Variants in IL7R observed in about 807,000 individuals in gnomAD.
IL7R encodes interleukin 7 receptor.
Under a neutral mutation model 47.0 loss-of-function variants are expected in IL7R, and 38 were observed. The observed-to-expected ratio is 0.81, with a 90% CI of 0.62 to 1.06. The LOEUF is 1.06. Ranked by LOEUF, IL7R falls within the 50% of genes least tolerant of loss-of-function variation. The probability of loss-of-function intolerance (pLI) is 0.00; values close to 1 mark genes in which losing one functional copy is unlikely to be tolerated. For missense variants in IL7R, 633 were observed against 534.8 expected (o/e 1.18, Z -1.81); for synonymous variants, 221 against 199.8 (o/e 1.11, Z -0.89).
Position 35,877,260 on chromosome 5 carries a change from T to A in IL7R, c.*774T>A, listed in dbSNP as rs1760242662. ...AAAACTAGGACTGTCCCCAGACAAA[T>A]GTGAACATACATATCATCACTTAAA... On this transcript the variant is annotated 3_prime_UTR_variant, in exon 8 of 8. Coordinates refer to ENST00000303115, the MANE Select transcript of IL7R (RefSeq NM_002185.5). The A allele has an allele frequency of 8.6e-6, 2 of 233,096 alleles. No homozygotes were observed. Among genetic ancestry groups the A allele is most frequent in the Non-Finnish European group, 1.7e-5 (2 of 118,000 alleles). 14.4% of individuals were successfully genotyped at this position (233,096 alleles called of 1,614,324 possible).
In IL7R at chr5:35,877,293, G is replaced by A. The variant is rs886060536; in HGVS notation, c.*807G>A. The A allele has an allele frequency of 7.9e-4, 185 of 233,052 alleles. No homozygotes were observed. The highest frequency in any genetic ancestry group is 2.1e-4 in the Non-Finnish European group (25 of 118,004). 14.4% of individuals were successfully genotyped at this position (233,052 alleles called of 1,614,324 possible). On this transcript the variant is annotated 3_prime_UTR_variant, in exon 8 of 8. Coordinates refer to ENST00000303115, the MANE Select transcript of IL7R (RefSeq NM_002185.5). ...TACATATCATCACTTAAATTAAAAT[G>A]GCTATGAGAAAGAAAGAGGGGGAGA...
At chr5:35,869,674 G>A (rs1214470340) in intron 3 of IL7R, among the ~76,000 whole-genome samples, 3 of 152,034 alleles carry the variant, frequency 2.0e-5, no homozygotes, top group Admixed American at 1.3e-4. Context: ...TAAAAGATGG[G>A]CACAGGGCAG....
chr5:35,860,549 T>G (rs1409056190), intron 1 of IL7R, among the ~76,000 whole-genome samples: 1 of 152,176 alleles, frequency 6.6e-6, no homozygotes, highest in Non-Finnish European at 1.5e-5. Flanking sequence ...AAGAATGTGT[T>G]CAATGCCTCT....
chr5:35,870,980 A>G, intron 3 of IL7R, 76 bp from the exon 4 acceptor site: 1 of 1,294,516 alleles, frequency 7.7e-7, no homozygotes, highest in South Asian at 1.2e-5. Context: ...TGACTTGCAG[A>G]GGAGATGAAT....
At chr5:35,857,386 A>G (rs1165793361) in intron 1 of IL7R, among the ~76,000 whole-genome samples, 1 of 152,122 alleles carries the variant, frequency 6.6e-6, no homozygotes, top group East Asian at 1.9e-4. Flanking sequence ...AAAATGTCCA[A>G]AGTAATTTTA....
At chr5:35,857,795 G>A (rs532492104) in intron 1 of IL7R, among the ~76,000 whole-genome samples, 11 of 152,054 alleles carry the variant, frequency 7.2e-5, no homozygotes, top group African/African-American at 1.7e-4. Flanking sequence ...AACAAAACTA[G>A]GCAGAAGCTT....
chr5:35,858,439 G>A (rs1346272213), intron 1 of IL7R, among the ~76,000 whole-genome samples: 1 of 152,124 alleles, frequency 6.6e-6, no homozygotes, highest in Admixed American at 6.5e-5. Context: ...ACTCCATTCA[G>A]TAGGAAGAAG....
chr5:35,860,291 G>A (rs1163377217), intron 1 of IL7R, among the ~76,000 whole-genome samples: 1 of 152,090 alleles, frequency 6.6e-6, no homozygotes, highest in Non-Finnish European at 1.5e-5. Context: ...ACTTTTAATT[G>A]GGATGCCTTT....
chr5:35,874,219 A>G (rs895183083), intron 5 of IL7R, among the ~76,000 whole-genome samples: 2 of 152,198 alleles, frequency 1.3e-5, no homozygotes, highest in Non-Finnish European at 2.9e-5. Flanking sequence ...CTTTGATGCT[A>G]GATCACGTTT....
At chr5:35,862,387 C>G (rs11567711) in intron 2 of IL7R, among the ~76,000 whole-genome samples, 3,172 of 152,176 alleles carry the variant, frequency 0.021, 121 homozygotes, top group African/African-American at 0.073. Flanking sequence ...CACTTTCATT[C>G]ACACCATATT....
intron 4 of IL7R, 112 bp from the exon 5 acceptor site, chr5:35,873,368 C>G: frequency 1.1e-6 from 1 of 914,694 alleles, no homozygotes; most frequent in South Asian, 1.4e-5. Flanking sequence ...AAATACGAGA[C>G]AACTTCAGAG....
At chr5:35,871,789 G>A (rs1032650629) in intron 4 of IL7R, among the ~76,000 whole-genome samples, 3 of 152,210 alleles carry the variant, frequency 2.0e-5, no homozygotes, top group Admixed American at 2.0e-4. Context: ...GGCAGTCCCT[G>A]AAATTTATTT....
chr5:35,860,608 A>AT (rs558713317), intron 1 of IL7R, among the ~76,000 whole-genome samples: 27 of 149,460 alleles, frequency 1.8e-4, no homozygotes, highest in East Asian at 3.9e-4. Flanking sequence ...ATTATGATGG[A>AT]TTTTTTTTTT....
intron 1 of IL7R, among the ~76,000 whole-genome samples, chr5:35,860,138 T>C (rs1356517261): frequency 6.6e-6 from 1 of 152,148 alleles, no homozygotes; most frequent in Non-Finnish European, 1.5e-5. Flanking sequence ...ACTGCGTCTA[T>C]AGAAGAATCT....
Position 35,867,749 on chromosome 5 carries a change from G to GTGTCCTTTCCTTCCTTATC in IL7R, c.379+304_379+322dup, listed in dbSNP as rs1428746201. The GTGTCCTTTCCTTCCTTATC allele has an allele frequency of 1.5e-5, 9 of 595,818 alleles. No homozygotes were observed. The African/African-American group carries it at 1.7e-4, about 11-fold the overall frequency. The allele number at this position is 595,818 out of a possible 1,614,324, so 36.9% of individuals were successfully genotyped here. ...CTGGGCTTCCTGTCATCCATCACAG[G>GTGTCCTTTCCTTCCTTATC]TGTCCTTTCCTTCCTTATCTGTCCT... On this transcript the variant is annotated intron_variant, in intron 3 of 7. Coordinates refer to ENST00000303115, the MANE Select transcript of IL7R (RefSeq NM_002185.5).
intron 7 of IL7R, 175 bp from the exon 8 acceptor site, chr5:35,875,808 C>T: frequency 2.5e-6 from 2 of 814,020 alleles, no homozygotes; most frequent in Non-Finnish European, 4.0e-6. Flanking sequence ...CCAGTGGTCA[C>T]TTCAAGTCTT....
chr5:35,862,140 C>T (rs1268613940), intron 2 of IL7R, among the ~76,000 whole-genome samples: 2 of 152,130 alleles, frequency 1.3e-5, no homozygotes, highest in East Asian at 3.8e-4. Flanking sequence ...TTCCCTAACA[C>T]ATTTTCCAGG....
intron 7 of IL7R, 27 bp from the exon 8 acceptor site, chr5:35,875,956 A>G (rs773518244): frequency 6.2e-7 from 1 of 1,605,816 alleles, no homozygotes; most frequent in Non-Finnish European, 8.5e-7. Context: ...GTGCCATCTT[A>G]ATACCCTTTC....
In IL7R at chr5:35,876,497, A is replaced by C. The variant is rs2149906491; in HGVS notation, c.*11A>C. 1 of 1,600,688 alleles carries C rather than the reference A, an allele frequency of 6.2e-7. No homozygotes were observed. The highest frequency in any genetic ancestry group is 1.3e-5 in the African/African-American group (1 of 75,036). ...TACCAAAACCAGTGAAGTGTAAGAA[A>C]CCCAGACTGAACTTACCGTGAGCGA... On this transcript the variant is annotated 3_prime_UTR_variant, in exon 8 of 8. Coordinates refer to ENST00000303115, the MANE Select transcript of IL7R (RefSeq NM_002185.5).
Sources: gnomAD v4.1 joint callset for allele counts (sites outside exome capture counted in the v4.1 genomes callset) on GRCh38, gnomAD v4.1.1 for gene constraint, MANE v1.5 for transcripts, NCBI Gene and HGNC (gene_info 2026-07-23, HGNC 2026-07-21) for gene names.